Variants in TECRL observed in about 807,000 individuals in gnomAD.
TECRL encodes trans-2,3-enoyl-CoA reductase like, also known as trans-2,3-enoyl-CoA reductase-like.
In TECRL, 63 loss-of-function variants were observed where a neutral mutation model predicts 52.8. The observed-to-expected ratio is 1.19, with a 90% CI of 0.97 to 1.47. The LOEUF (loss-of-function observed/expected upper bound fraction) is 1.47. Ranked by LOEUF, TECRL falls within the 40% of genes most tolerant of loss-of-function variation. TECRL has a pLI of 0.00. For synonymous variants in TECRL, 164 were observed against 141.9 expected (o/e 1.16, Z -1.10); for missense variants, 482 against 429.6 (o/e 1.12, Z -1.08).
intron 9 of TECRL, among the ~76,000 whole-genome samples, chr4:64,288,582 C>G (rs575946373): frequency 4.1e-4 from 62 of 152,142 alleles, no homozygotes; most frequent in African/African-American, 1.5e-3. Flanking sequence ...TAACGTGCAA[C>G]AAAAAGTGGA....
At chr4:64,396,855 T>G (rs546230817) in intron 1 of TECRL, among the ~76,000 whole-genome samples, 1 of 152,240 alleles carries the variant, frequency 6.6e-6, no homozygotes, top group East Asian at 1.9e-4. Context: ...GGTGTCCAGT[T>G]TCAGTCTTCT....
intron 8 of TECRL, among the ~76,000 whole-genome samples, chr4:64,292,687 A>G (rs1723457148): frequency 6.6e-6 from 1 of 152,046 alleles, no homozygotes; most frequent in African/African-American, 2.4e-5. Flanking sequence ...TCACAGAACT[A>G]TAAGCAACCC....
chr4:64,333,855 CT>C lies in TECRL; in HGVS notation c.287-5300del, dbSNP rs554642188. On this transcript the variant is annotated intron_variant, in intron 2 of 11. Transcript: ENST00000381210. The stretch of plus-strand genomic sequence containing the variant: ...CTAACAAGGTGAAACCCCGTCTCTA[CT>C]AAAAATACAAAAAAAAAATTAGCCG... Among the ~76,000 whole-genome samples the C allele has an allele frequency of 7.1e-3, 876 of 122,606 alleles. 88 individuals carry two copies. Among genetic ancestry groups the C allele is most frequent in the African/African-American group, 0.031 (848 of 27,762 alleles). 80.4% of individuals were successfully genotyped at this position (122,606 alleles called of 152,430 possible). A position where few individuals can be genotyped will look rare whatever the true frequency, so the allele number is the denominator to read the frequency against.
chr4:64,301,791 CTTA>C (rs1321824050), intron 7 of TECRL, among the ~76,000 whole-genome samples: 1 of 150,972 alleles, frequency 6.6e-6, no homozygotes, highest in Admixed American at 6.6e-5. Context: ...ATGCCTTATT[CTTA>C]TTTTTAAATG....
intron 2 of TECRL, among the ~76,000 whole-genome samples, chr4:64,366,352 G>A (rs757591689): frequency 2.0e-5 from 3 of 152,030 alleles, no homozygotes; most frequent in Non-Finnish European, 4.4e-5. Context: ...CACAGGAACC[G>A]GGAAAGATTT....
chr4:64,355,921 TAG>T (rs1281100739), intron 2 of TECRL, among the ~76,000 whole-genome samples: 1 of 152,114 alleles, frequency 6.6e-6, no homozygotes, highest in African/African-American at 2.4e-5. Flanking sequence ...TGTGTCTATG[TAG>T]AAAGGAAAGA....
chr4:64,400,969 C>T (rs1419043915), intron 1 of TECRL, among the ~76,000 whole-genome samples: 1 of 152,184 alleles, frequency 6.6e-6, no homozygotes. Flanking sequence ...TAAGTTTGCC[C>T]AGTGTCACAA....
chr4:64,346,883 AC>A (rs1720027200), intron 2 of TECRL, among the ~76,000 whole-genome samples: 1 of 151,980 alleles, frequency 6.6e-6, no homozygotes, highest in Non-Finnish European at 1.5e-5. Flanking sequence ...TACAAACTAA[AC>A]CCTGTCCTTA....
At chr4:64,327,509 G>A (rs1040352164) in intron 3 of TECRL, among the ~76,000 whole-genome samples, 1 of 152,006 alleles carries the variant, frequency 6.6e-6, no homozygotes, top group African/African-American at 2.4e-5. Context: ...ACATGTGCTA[G>A]GCCCTATGAA....
intron 4 of TECRL, among the ~76,000 whole-genome samples, chr4:64,317,957 A>G (rs1717622360): frequency 6.6e-6 from 1 of 152,154 alleles, no homozygotes; most frequent in African/African-American, 2.4e-5. Context: ...ATCATCTCCA[A>G]AGGATGAAGG....
At chr4:64,276,444 G>A (rs960899016), downstream of TECRL, 1 of 151,718 alleles carries the variant, frequency 6.6e-6, no homozygotes, top group African/African-American at 2.4e-5. Context: ...TATAATGTGT[G>A]TATATATTTT....
At chr4:64,354,294 G>A (rs997353310) in intron 2 of TECRL, among the ~76,000 whole-genome samples, 1 of 152,148 alleles carries the variant, frequency 6.6e-6, no homozygotes, top group Admixed American at 6.6e-5. Context: ...TCTAGGATAT[G>A]GAGAGGGAAA....
intron 2 of TECRL, among the ~76,000 whole-genome samples, chr4:64,344,522 G>C (rs949740644): frequency 1.6e-4 from 24 of 152,162 alleles, no homozygotes; most frequent in Non-Finnish European, 8.8e-5. Context: ...AATGAGGTGA[G>C]AGACTTTACA....
At chr4:64,328,598 A>T (rs1022015220) in intron 2 of TECRL, 42 bp from the exon 3 acceptor site, 12 of 1,548,926 alleles carry the variant, frequency 7.7e-6, no homozygotes, top group Non-Finnish European at 1.1e-5. Context: ...GAAAAAGTGT[A>T]ACTATAGCTT....
At position 64,344,782 on chromosome 4, in the gene TECRL, T is replaced by A. The variant is rs1719834295; in HGVS notation, c.287-16226A>T. On this transcript the variant is annotated intron_variant, in intron 2 of 11. Coordinates refer to ENST00000381210, the MANE Select transcript of TECRL (RefSeq NM_001010874.5). ...ACAATCTGAAAACGTTTCAGATAGA[T>A]TTTTATTCTCCATCTTGTTTTTTGT... Among the ~76,000 whole-genome samples the A allele has an allele frequency of 2.0e-5, 3 of 152,178 alleles. No individual in the cohort carries two copies. The South Asian group carries it at 6.2e-4, about 31-fold the overall frequency.
At chr4:64,288,599 A>G (rs1313630456) in intron 9 of TECRL, among the ~76,000 whole-genome samples, 1 of 152,192 alleles carries the variant, frequency 6.6e-6, no homozygotes, top group African/African-American at 2.4e-5. Flanking sequence ...TGGATTTTAT[A>G]TAACTGGTGA....
chr4:64,377,789 T>C (rs967259022), intron 1 of TECRL, among the ~76,000 whole-genome samples: 2 of 152,118 alleles, frequency 1.3e-5, no homozygotes, highest in African/African-American at 4.8e-5. Context: ...CCAATATGCA[T>C]TTACTACAGT....
At chr4:64,276,446 AT>A, downstream of TECRL, 1 of 152,008 alleles carries the variant, frequency 6.6e-6, no homozygotes, top group South Asian at 2.1e-4. Context: ...TAATGTGTGT[AT>A]ATATTTTTCT....
intron 8 of TECRL, among the ~76,000 whole-genome samples, chr4:64,290,488 CAT>C (rs1394932705): frequency 3.9e-5 from 6 of 152,108 alleles, no homozygotes; most frequent in Non-Finnish European, 5.9e-5. Context: ...GATAACAGAA[CAT>C]GTTATTCAAA....
Sources: allele counts gnomAD v4.1 joint callset (sites outside exome capture counted in the v4.1 genomes callset), GRCh38; gene constraint gnomAD v4.1.1; transcripts MANE v1.5; gene names NCBI Gene and HGNC (gene_info 2026-07-23, HGNC 2026-07-21).